The following CDH18 variants were observed in gnomAD, a reference collection of about 807,000 sequenced individuals.
CDH18 encodes the protein cadherin 18, also known as cadherin-18.
CDH18 carries 31 observed loss-of-function variants against 67.9 expected under a neutral mutation model. That is an observed-to-expected ratio of 0.46 (90% CI 0.34 to 0.62). The LOEUF is 0.62. CDH18 is among the 20% of genes least tolerant of loss of function. CDH18 has a pLI of 0.01. For synonymous variants in CDH18, 362 were observed against 347.2 expected (o/e 1.04, Z -0.48); for missense variants, 890 against 975.5 (o/e 0.91, Z 1.17).
Position 20,041,028 on chromosome 5 carries a change from G to A in CDH18, c.-517-49014C>T, listed in dbSNP as rs574963240. On this transcript the variant is annotated intron_variant, in intron 2 of 14. Transcript: ENST00000507958. The stretch of plus-strand genomic sequence containing the variant: ...ATGAGAGCGGTAACATTATGTTGTT[G>A]GTTTTAATTAAAAAAGTGAGGTATG... 2.6e-5 allele frequency among the ~76,000 whole-genome samples: 4 copies of A among 152,136 alleles called. No individual in the cohort carries two copies. The East Asian group carries it at 7.7e-4, about 29-fold the overall frequency.
intron 2 of CDH18, among the ~76,000 whole-genome samples, chr5:19,900,359 T>C (rs892372528): frequency 6.6e-6 from 1 of 152,146 alleles, no homozygotes; most frequent in South Asian, 2.1e-4. Flanking sequence ...ATAGCGTATA[T>C]TTTAAATAGC....
Position 20,356,753 on chromosome 5 carries a change from C to CTCTATATA in CDH18, c.-579-101249_-579-101248insTATATAGA, listed in dbSNP as rs1228584814. The stretch of plus-strand genomic sequence containing the variant: ...TCTCTCTCTCTCTCTCTCTCTCTCT[C>CTCTATATA]TATATATATATATATATACACATGC... On this transcript the variant is annotated intron_variant, in intron 1 of 14. Coordinates refer to the CDH18 transcript ENST00000507958. Among the ~76,000 whole-genome samples, 89 of 121,534 alleles carry CTCTATATA rather than the reference C, an allele frequency of 7.3e-4. 1 individual carries two copies. Among genetic ancestry groups the CTCTATATA allele is most frequent in the African/African-American group, 2.7e-3 (87 of 31,938 alleles). The allele number at this position is 121,534 out of a possible 152,430, so 79.7% of individuals were successfully genotyped here.
intron 2 of CDH18, among the ~76,000 whole-genome samples, chr5:19,868,072 G>A (rs1163116152): frequency 6.6e-6 from 1 of 152,164 alleles, no homozygotes; most frequent in East Asian, 1.9e-4. Context: ...GGAACTGTGA[G>A]TCAATTAAAC....
chr5:20,129,268 T>C (rs1749072985), intron 2 of CDH18, among the ~76,000 whole-genome samples: 1 of 152,040 alleles, frequency 6.6e-6, no homozygotes, highest in Admixed American at 6.5e-5. Flanking sequence ...AATATATCTA[T>C]ATCTTTATCA....
intron 10 of CDH18, among the ~76,000 whole-genome samples, chr5:19,509,364 A>G (rs749545411): frequency 6.6e-6 from 1 of 152,174 alleles, no homozygotes; most frequent in Non-Finnish European, 1.5e-5. Flanking sequence ...TGAGTAATGC[A>G]TACACTACAG....
chr5:19,771,111 A>G (rs1773677823), intron 3 of CDH18, among the ~76,000 whole-genome samples: 1 of 152,138 alleles, frequency 6.6e-6, no homozygotes, highest in South Asian at 2.1e-4. Context: ...GAGAAACATG[A>G]ATCACTGAGG....
In CDH18 at chr5:19,740,016, GTT is replaced by G. The variant is rs1335118734; in HGVS notation, c.523+6924_523+6925del. Among the ~76,000 whole-genome samples, 4 of 152,122 alleles carry G rather than the reference GTT, an allele frequency of 2.6e-5. No homozygotes were observed. The East Asian group carries it at 7.7e-4, about 29-fold the overall frequency. On this transcript the variant is annotated intron_variant, in intron 4 of 12. Coordinates refer to ENST00000382275, the MANE Select transcript of CDH18 (RefSeq NM_004934.5). Reference sequence around the variant, plus strand: ...AAAAGACATGAAGAAGATTAGAGATGTTTCAATACATTTCCAAGAAAAAGGAA... The same window carrying G: ...AAAAGACATGAAGAAGATTAGAGATGTCAATACATTTCCAAGAAAAAGGAA...
chr5:20,375,998 T>A (rs533615302), intron 1 of CDH18, among the ~76,000 whole-genome samples: 1 of 151,688 alleles, frequency 6.6e-6, no homozygotes, highest in Non-Finnish European at 1.5e-5. Flanking sequence ...CTGGGCAACG[T>A]GGTATGTTGT....
intron 1 of CDH18, among the ~76,000 whole-genome samples, chr5:20,404,748 T>C (rs981890149): frequency 1.3e-5 from 2 of 152,164 alleles, no homozygotes; most frequent in Non-Finnish European, 2.9e-5. Flanking sequence ...GATATGGAGA[T>C]ATGAAGTGAG....
At chr5:20,455,971 G>T (rs1413962303) in intron 1 of CDH18, among the ~76,000 whole-genome samples, 1 of 152,018 alleles carries the variant, frequency 6.6e-6, no homozygotes, top group African/African-American at 2.4e-5. Context: ...GATAACCTTT[G>T]TTTTGATAAA....
intron 11 of CDH18, among the ~76,000 whole-genome samples, chr5:19,486,895 A>G (rs16885923): frequency 0.012 from 1,892 of 152,300 alleles, 45 homozygotes; most frequent in African/African-American, 0.043. Flanking sequence ...AAAACATAGC[A>G]TGATAGAACA....
chr5:20,468,604 A>G (rs558272409), intron 1 of CDH18, among the ~76,000 whole-genome samples: 24 of 152,270 alleles, frequency 1.6e-4, no homozygotes, highest in African/African-American at 5.1e-4. Context: ...TTAACTGTTA[A>G]ATTTTCTCCT....
chr5:19,734,605 T>A (rs936762718), intron 4 of CDH18, among the ~76,000 whole-genome samples: 1 of 152,198 alleles, frequency 6.6e-6, no homozygotes, highest in African/African-American at 2.4e-5. Flanking sequence ...TTCAATTTAA[T>A]AAGTTGTCCA....
intron 2 of CDH18, among the ~76,000 whole-genome samples, chr5:19,844,591 A>T (rs1395346570): frequency 2.0e-5 from 3 of 152,154 alleles, no homozygotes; most frequent in African/African-American, 7.2e-5. Flanking sequence ...GGAACCAAAT[A>T]CTTTCTTTCT....
Position 19,471,452 on chromosome 5 carries a change from G to C in CDH18, c.*1774C>G, listed in dbSNP as rs889988640. Among the ~76,000 whole-genome samples the C allele has an allele frequency of 1.3e-5, 2 of 152,034 alleles. No homozygotes were observed. The highest frequency in any genetic ancestry group is 1.3e-4 in the Admixed American group (2 of 15,234). On this transcript the variant is annotated 3_prime_UTR_variant, in exon 13 of 13. Transcript: ENST00000382275. ...GTAAAATCCAAAATTTTGCACATGG[G>C]TAGAAACAGACAGAAAATGTCATAT...
rs760612049 is a variant in CDH18, at chr5:20,290,673, G to A, written c.-579-35168C>T. On this transcript the variant is annotated intron_variant, in intron 1 of 14. Coordinates refer to the CDH18 transcript ENST00000507958. Reference sequence around the variant, plus strand: ...TGATCCAGTGAAAAATGCTTGATTCGGAAGACAGTCCAAGCAAAGGTGATA... The same window carrying A: ...TGATCCAGTGAAAAATGCTTGATTCAGAAGACAGTCCAAGCAAAGGTGATA... Among the ~76,000 whole-genome samples, 5 of 152,088 alleles carry A rather than the reference G, an allele frequency of 3.3e-5. No homozygotes were observed. In the South Asian group the frequency reaches 6.2e-4, roughly 19 times the overall value.
intron 2 of CDH18, among the ~76,000 whole-genome samples, chr5:20,074,328 G>A (rs1158220460): frequency 6.6e-6 from 1 of 151,782 alleles, no homozygotes; most frequent in Non-Finnish European, 1.5e-5. Flanking sequence ...ATTTTTTATT[G>A]TTTAACAGTT....
chr5:20,056,448 TTTATTA>T, intron 2 of CDH18, among the ~76,000 whole-genome samples: 1 of 148,222 alleles, frequency 6.7e-6, no homozygotes, highest in Non-Finnish European at 1.5e-5. Context: ...ACTTTATTTT[TTTATTA>T]TTTTTCTTTA....
At chr5:20,447,066 ATTTAAC>A (rs927028482) in intron 1 of CDH18, among the ~76,000 whole-genome samples, 4 of 152,262 alleles carry the variant, frequency 2.6e-5, no homozygotes, top group African/African-American at 9.6e-5. Context: ...TTCCTATAAC[ATTTAAC>A]TTTGTTACTC....
Sources: allele counts gnomAD v4.1 joint callset (sites outside exome capture counted in the v4.1 genomes callset), GRCh38; gene constraint gnomAD v4.1.1; transcripts MANE v1.5; gene names NCBI Gene and HGNC (gene_info 2026-07-23, HGNC 2026-07-21).